Variants in TRAF3IP1 observed in about 807,000 individuals in gnomAD.
TRAF3IP1 encodes intraflagellar transport 54.
A neutral mutation model predicts 89.9 loss-of-function variants in TRAF3IP1; 53 were observed. The observed-to-expected ratio is 0.59, with a 90% CI of 0.47 to 0.74. TRAF3IP1 has a LOEUF of 0.74. Ranked by LOEUF, TRAF3IP1 falls within the 30% of genes least tolerant of loss-of-function variation. TRAF3IP1 has a pLI of 0.00. For synonymous variants in TRAF3IP1, 311 were observed against 322.1 expected (o/e 0.97, Z 0.37); for missense variants, 806 against 866.1 (o/e 0.93, Z 0.87).
chr2:238,355,216 G>T (rs914689654), intron 14 of TRAF3IP1, among the ~76,000 whole-genome samples: 2 of 152,188 alleles, frequency 1.3e-5, no homozygotes, highest in Admixed American at 6.5e-5. Flanking sequence ...GCTTTGACCC[G>T]TCTTCTCTAC....
In TRAF3IP1 at chr2:238,348,721, G is replaced by A. The variant is rs1239635288; in HGVS notation, c.1283-43G>A. 6 of 1,512,860 alleles carry A rather than the reference G, an allele frequency of 4.0e-6. No homozygotes were observed. In the South Asian group the frequency reaches 5.6e-5, roughly 14 times the overall value. 93.7% of individuals were successfully genotyped at this position (1,512,860 alleles called of 1,614,324 possible). ...AGTATTTTCAAATAGTTATCTATGT[G>A]TGTTTTCCTTTGTGAATTGCTAATT... On this transcript the variant is annotated intron_variant, in intron 10 of 16. Coordinates refer to ENST00000373327, the MANE Select transcript of TRAF3IP1 (RefSeq NM_015650.4).
chr2:238,331,125 G>A (rs1698100166), intron 5 of TRAF3IP1, among the ~76,000 whole-genome samples: 1 of 152,028 alleles, frequency 6.6e-6, no homozygotes, highest in African/African-American at 2.4e-5. Flanking sequence ...TGCTAATGAG[G>A]TGACTGGCTT....
Position 238,399,024 on chromosome 2 carries a change from GT to G in TRAF3IP1, c.*108del. 9.9e-7 allele frequency: 1 copy of G among 1,012,622 alleles called. No individual in the cohort carries two copies. 62.7% of individuals were successfully genotyped at this position (1,012,622 alleles called of 1,614,324 possible). A position where few individuals can be genotyped will look rare whatever the true frequency, so the allele number is the denominator to read the frequency against. On this transcript the variant is annotated 3_prime_UTR_variant, in exon 17 of 17. Coordinates refer to ENST00000373327, the MANE Select transcript of TRAF3IP1 (RefSeq NM_015650.4). ...TTCCAGTTTGCTAAGAAAATGAACA[GT>G]TTACAATGTTATTATCCAGCTAATT...
At chr2:238,327,143 C>T (rs932640423) in intron 3 of TRAF3IP1, among the ~76,000 whole-genome samples, 1 of 152,212 alleles carries the variant, frequency 6.6e-6, no homozygotes, top group East Asian at 1.9e-4. Context: ...CCAGTCGCCA[C>T]GCACCCCTGC....
intron 7 of TRAF3IP1, among the ~76,000 whole-genome samples, chr2:238,335,766 T>TTTTA (rs141038702): frequency 0.056 from 7,692 of 137,012 alleles, 260 homozygotes; most frequent in African/African-American, 0.07. Context: ...TTTTATTTTA[T>TTTTA]TTTATTTATT....
chr2:238,378,349 A>G (rs772128543), intron 15 of TRAF3IP1, among the ~76,000 whole-genome samples: 2 of 152,250 alleles, frequency 1.3e-5, no homozygotes, highest in African/African-American at 2.4e-5. Flanking sequence ...TTCATTCACC[A>G]GCCATCTGGC....
At chr2:238,365,378 T>A (rs1276431917) in intron 15 of TRAF3IP1, among the ~76,000 whole-genome samples, 1 of 152,146 alleles carries the variant, frequency 6.6e-6, no homozygotes, top group Non-Finnish European at 1.5e-5. Flanking sequence ...GAAATAAAAA[T>A]GGGCCAGGCG....
At chr2:238,358,066 T>C (rs1350389114) in intron 15 of TRAF3IP1, among the ~76,000 whole-genome samples, 1 of 152,038 alleles carries the variant, frequency 6.6e-6, no homozygotes, top group Admixed American at 6.6e-5. Flanking sequence ...TTGATAAACA[T>C]CAGACTTAAA....
At chr2:238,343,480 C>T (rs1246374005) in intron 8 of TRAF3IP1, among the ~76,000 whole-genome samples, 1 of 151,966 alleles carries the variant, frequency 6.6e-6, no homozygotes, top group Non-Finnish European at 1.5e-5. Flanking sequence ...CTCCTGGGCT[C>T]ACGTGATTCT....
At chr2:238,363,967 AT>A (rs1179486395) in intron 15 of TRAF3IP1, among the ~76,000 whole-genome samples, 4 of 152,314 alleles carry the variant, frequency 2.6e-5, no homozygotes, top group South Asian at 2.1e-4. Flanking sequence ...CTCAAAAAAA[AT>A]ATATAAATAA....
At chr2:238,385,714 C>G (rs775973321) in intron 15 of TRAF3IP1, among the ~76,000 whole-genome samples, 4 of 152,218 alleles carry the variant, frequency 2.6e-5, no homozygotes, top group Non-Finnish European at 5.9e-5. Flanking sequence ...CTTTTGGCCT[C>G]AAACCCACCT....
At chr2:238,322,659 G>C (rs1235352531) in intron 1 of TRAF3IP1, among the ~76,000 whole-genome samples, 1 of 126,426 alleles carries the variant, frequency 7.9e-6, no homozygotes, top group African/African-American at 3.0e-5. Context: ...CTGCACTCTA[G>C]CCTGGGTGAC....
chr2:238,380,250 A>G (rs1381205266), intron 15 of TRAF3IP1, among the ~76,000 whole-genome samples: 1 of 152,078 alleles, frequency 6.6e-6, no homozygotes, highest in Non-Finnish European at 1.5e-5. Context: ...CTGGATCCCT[A>G]CGGTGCCTTC....
At chr2:238,359,818 G>A (rs766552622) in intron 15 of TRAF3IP1, among the ~76,000 whole-genome samples, 1 of 152,134 alleles carries the variant, frequency 6.6e-6, no homozygotes, top group Non-Finnish European at 1.5e-5. Flanking sequence ...ACCAAACCCT[G>A]TATATACCAT....
chr2:238,394,954 A>G (rs1205481088), intron 15 of TRAF3IP1, among the ~76,000 whole-genome samples: 1 of 152,254 alleles, frequency 6.6e-6, no homozygotes, highest in Non-Finnish European at 1.5e-5. Context: ...TTCAAATTAA[A>G]TAAGTTGATT....
At chr2:238,331,750 C>G (rs1214021539) in intron 5 of TRAF3IP1, among the ~76,000 whole-genome samples, 1 of 152,124 alleles carries the variant, frequency 6.6e-6, no homozygotes, top group Non-Finnish European at 1.5e-5. Context: ...TGGTAAAAAG[C>G]GCCAGGCAGG....
chr2:238,333,791 C>T (rs1698243786), intron 6 of TRAF3IP1, among the ~76,000 whole-genome samples, 169 bp from the exon 7 acceptor site: 1 of 152,182 alleles, frequency 6.6e-6, no homozygotes, highest in African/African-American at 2.4e-5. Context: ...CCGTGTAATT[C>T]ACAGTCTCAG....
At chr2:238,346,076 A>C (rs1470777325) in intron 9 of TRAF3IP1, among the ~76,000 whole-genome samples, 7 of 152,072 alleles carry the variant, frequency 4.6e-5, no homozygotes, top group Non-Finnish European at 1.0e-4. Context: ...GGTGTTTTGA[A>C]GAAAGAGCCG....
At chr2:238,326,020 A>G in intron 3 of TRAF3IP1, 50 bp downstream of exon 3, 1 of 1,571,464 alleles carries the variant, frequency 6.4e-7, no homozygotes, top group Non-Finnish European at 8.6e-7. Flanking sequence ...TTGAGTAAAA[A>G]GTAGTCGGGG....
Sources: gnomAD v4.1 joint callset for allele counts (sites outside exome capture counted in the v4.1 genomes callset) on GRCh38, gnomAD v4.1.1 for gene constraint, MANE v1.5 for transcripts, NCBI Gene and HGNC (gene_info 2026-07-23, HGNC 2026-07-21) for gene names.